Variants in APP observed in about 807,000 individuals in gnomAD.
APP encodes the protein amyloid beta precursor protein.
In APP, 31 loss-of-function variants were observed where a neutral mutation model predicts 101.4. The ratio of observed to expected loss-of-function variants is 0.31; its 90% CI spans 0.23 to 0.41. The LOEUF is 0.41. Ranked by LOEUF, APP falls within the 10% of genes least tolerant of loss-of-function variation. The pLI, the probability that APP is intolerant of heterozygous loss-of-function variation, is 1.00. For missense variants in APP, 839 were observed against 1,003.7 expected (o/e 0.84, Z 2.22); for synonymous variants, 366 against 364.4 (o/e 1.00, Z -0.05).
intron 17 of APP, among the ~76,000 whole-genome samples, chr21:25,890,069 A>G (rs2037590448): frequency 6.6e-6 from 1 of 152,222 alleles, no homozygotes. Flanking sequence ...ACATAAGCTT[A>G]GATACTATCA....
chr21:26,107,631 G>A (rs1241334545), intron 2 of APP, among the ~76,000 whole-genome samples: 1 of 152,154 alleles, frequency 6.6e-6, no homozygotes, highest in Non-Finnish European at 1.5e-5. Flanking sequence ...CTTCAATGCT[G>A]CAATTCCCCA....
At chr21:26,063,870 G>A (rs1329314008) in intron 3 of APP, among the ~76,000 whole-genome samples, 1 of 152,198 alleles carries the variant, frequency 6.6e-6, no homozygotes, top group Admixed American at 6.5e-5. Flanking sequence ...TAATTTTCAA[G>A]TGGAGAAACT....
intron 5 of APP, among the ~76,000 whole-genome samples, chr21:26,046,585 T>C (rs1481976960): frequency 6.6e-6 from 1 of 151,808 alleles, no homozygotes; most frequent in African/African-American, 2.4e-5. Context: ...GAAAGATACA[T>C]CAAGTTACCT....
intron 17 of APP, among the ~76,000 whole-genome samples, chr21:25,887,853 ATGT>A (rs2037438962): frequency 6.6e-6 from 1 of 152,128 alleles, no homozygotes; most frequent in Non-Finnish European, 1.5e-5. Flanking sequence ...GTACTTTATG[ATGT>A]TTGCACAGCG....
At chr21:26,008,603 A>G (rs921180425) in intron 6 of APP, among the ~76,000 whole-genome samples, 1 of 152,176 alleles carries the variant, frequency 6.6e-6, no homozygotes, top group Non-Finnish European at 1.5e-5. Flanking sequence ...TCAAGCTACT[A>G]ATGGCTATGG....
intron 17 of APP, among the ~76,000 whole-genome samples, chr21:25,882,901 T>G (rs1406438007): frequency 6.6e-6 from 1 of 152,156 alleles, no homozygotes; most frequent in Non-Finnish European, 1.5e-5. Flanking sequence ...TTGTTGAGTG[T>G]TGCCAAGTGA....
chr21:26,035,422 G>A (rs1389318372), intron 5 of APP, among the ~76,000 whole-genome samples: 2 of 152,150 alleles, frequency 1.3e-5, no homozygotes, highest in Non-Finnish European at 2.9e-5. Flanking sequence ...CTGAGCAGGG[G>A]AGAGTCGGGG....
chr21:26,016,951 C>A (rs368326647), intron 6 of APP, among the ~76,000 whole-genome samples: 1 of 18,432 alleles, frequency 5.4e-5, no homozygotes, highest in Non-Finnish European at 1.2e-4. Context: ...GGGCGGGGGG[C>A]GGGGGGTGCC....
chr21:26,080,913 T>G lies in APP; in HGVS notation c.355+9030A>C, dbSNP rs928602976. On this transcript the variant is annotated intron_variant, in intron 3 of 17. Coordinates refer to ENST00000346798, the MANE Select transcript of APP (RefSeq NM_000484.4). ...TTGGTCTTTTAGGCCTTTTCATTAT[T>G]TTTAGGCCTGCAGCGGACAGTATTT... is the stretch of plus-strand genomic sequence containing the variant. 5.3e-4 allele frequency among the ~76,000 whole-genome samples: 81 copies of G among 152,324 alleles called. 2 individuals are homozygous for G. Among genetic ancestry groups the G allele is most frequent in the Non-Finnish European group, 3.7e-4 (25 of 68,026 alleles).
At chr21:26,029,032 C>A (rs2044706424) in intron 5 of APP, among the ~76,000 whole-genome samples, 1 of 151,960 alleles carries the variant, frequency 6.6e-6, no homozygotes, top group Non-Finnish European at 1.5e-5. Flanking sequence ...ATGGCTGAGG[C>A]AGGGGTAAGA....
intron 2 of APP, among the ~76,000 whole-genome samples, chr21:26,095,385 C>T (rs946335069): frequency 6.6e-6 from 1 of 152,242 alleles, no homozygotes; most frequent in Non-Finnish European, 1.5e-5. Flanking sequence ...CCATGCTGTA[C>T]ATGCTACCTG....
chr21:25,995,913 G>A (rs1028675988), intron 8 of APP, among the ~76,000 whole-genome samples: 2 of 149,792 alleles, frequency 1.3e-5, no homozygotes, highest in Non-Finnish European at 3.0e-5. Flanking sequence ...CTTTAAAAAA[G>A]ATAACTGGCT....
At chr21:26,145,608 C>T (rs1307153899) in intron 1 of APP, among the ~76,000 whole-genome samples, 1 of 152,088 alleles carries the variant, frequency 6.6e-6, no homozygotes, top group East Asian at 1.9e-4. Context: ...TCTAAAGTAT[C>T]TGCGTACAGT....
At chr21:25,911,248 A>C (rs1283899606) in intron 14 of APP, among the ~76,000 whole-genome samples, 2 of 152,252 alleles carry the variant, frequency 1.3e-5, no homozygotes, top group Admixed American at 1.3e-4. Flanking sequence ...TATATTAAGA[A>C]GAGGAACTGG....
At chr21:25,949,961 G>T (rs1280700310) in intron 13 of APP, among the ~76,000 whole-genome samples, 1 of 152,178 alleles carries the variant, frequency 6.6e-6, no homozygotes, top group Non-Finnish European at 1.5e-5. Context: ...ACTGTAAACT[G>T]GGGATGCTAT....
intron 15 of APP, 114 bp downstream of exon 15, chr21:25,904,910 A>G: frequency 1.1e-6 from 1 of 928,694 alleles, no homozygotes; most frequent in Non-Finnish European, 1.7e-6. Flanking sequence ...GTCACTTCAA[A>G]TTCTACTCTG....
chr21:26,049,579 A>G (rs1329556804), intron 5 of APP, among the ~76,000 whole-genome samples: 2 of 152,224 alleles, frequency 1.3e-5, no homozygotes, highest in African/African-American at 4.8e-5. Context: ...AATGGAATTA[A>G]GTGGTAAGGT....
chr21:26,136,275 T>G (rs2062915338), intron 1 of APP, among the ~76,000 whole-genome samples: 1 of 152,170 alleles, frequency 6.6e-6, no homozygotes, highest in Admixed American at 6.5e-5. Context: ...CGCCACTGCC[T>G]CTCTGAAAGA....
At chr21:25,946,617 G>C (rs574730699) in intron 13 of APP, among the ~76,000 whole-genome samples, 1 of 152,112 alleles carries the variant, frequency 6.6e-6, no homozygotes, top group Non-Finnish European at 1.5e-5. Flanking sequence ...AGTGAACTGA[G>C]ATCATGCCGC....
Sources: allele counts gnomAD v4.1 joint callset (sites outside exome capture counted in the v4.1 genomes callset), GRCh38; gene constraint gnomAD v4.1.1; transcripts MANE v1.5; gene names NCBI Gene and HGNC (gene_info 2026-07-23, HGNC 2026-07-21).